Variants in SGCZ observed in about 807,000 individuals in gnomAD.
SGCZ encodes zeta-sarcoglycan.
Under a neutral mutation model 41.3 loss-of-function variants are expected in SGCZ, and 40 were observed. The ratio of observed to expected loss-of-function variants is 0.97; its 90% CI spans 0.75 to 1.26. The LOEUF is 1.26. Ranked by LOEUF, SGCZ falls within the 50% of genes most tolerant of loss-of-function variation. The pLI is 0.00. For missense variants in SGCZ, 552 were observed against 369.8 expected, an observed-to-expected ratio of 1.49 and a Z score of -4.04; for synonymous variants, 206 against 137.5, an observed-to-expected ratio of 1.50 and a Z score of -3.49.
At chr8:14,286,074 G>GTGTTTTTTTTTTTTTTT (rs781017987) in intron 3 of SGCZ, among the ~76,000 whole-genome samples, 1 of 150,552 alleles carries the variant, frequency 6.6e-6, no homozygotes, top group African/African-American at 2.4e-5. Context: ...TGCAGTCAAT[G>GTGTTTTTTTTTTTTTTT]TATTTTGTTT....
intron 2 of SGCZ, among the ~76,000 whole-genome samples, chr8:14,539,578 G>A (rs1316995680): frequency 1.3e-5 from 2 of 151,870 alleles, no homozygotes; most frequent in African/African-American, 4.8e-5. Flanking sequence ...AGGGGTACAA[G>A]TACCGGTTTG....
chr8:14,784,913 A>AAAAAAAAAATATATATAT (rs1408574493), intron 1 of SGCZ, among the ~76,000 whole-genome samples: 2 of 88,036 alleles, frequency 2.3e-5, no homozygotes, highest in African/African-American at 9.4e-5. Flanking sequence ...AAAAAAAAAA[A>AAAAAAAAAATATATATAT]ATATATATAT....
intron 5 of SGCZ, among the ~76,000 whole-genome samples, chr8:14,143,110 C>A (rs905116655): frequency 6.6e-6 from 1 of 151,360 alleles, no homozygotes; most frequent in African/African-American, 2.4e-5. Flanking sequence ...CTTAATATAA[C>A]GCCAATTCAA....
At chr8:14,947,973 T>G (rs1800508522) in intron 1 of SGCZ, among the ~76,000 whole-genome samples, 2 of 152,188 alleles carry the variant, frequency 1.3e-5, no homozygotes, top group African/African-American at 4.8e-5. Context: ...CTAATGATAC[T>G]AACAGCATTT....
At chr8:14,397,273 T>C (rs7834044) in intron 2 of SGCZ, among the ~76,000 whole-genome samples, 25,559 of 152,050 alleles carry the variant, frequency 0.17, 5,067 homozygotes, top group African/African-American at 0.48. Flanking sequence ...AAGTTAAGGA[T>C]GTTCGAATAT....
In SGCZ at chr8:14,866,106, AC is replaced by A. The variant is rs937083493; in HGVS notation, c.40-311181del. Among the ~76,000 whole-genome samples the A allele has an allele frequency of 1.2e-4, 19 of 152,140 alleles. 1 individual carries two copies. Among genetic ancestry groups the A allele is most frequent in the African/African-American group, 4.6e-4 (19 of 41,448 alleles). On this transcript the variant is annotated intron_variant, in intron 1 of 7. Coordinates refer to ENST00000382080, the MANE Select transcript of SGCZ (RefSeq NM_139167.4). ...AATGTAAAGCAGAAAAAGAATCTTCACAGGTAACATATTAATATAAAATTTC... is the reference window on the plus strand; with the variant it reads ...AATGTAAAGCAGAAAAAGAATCTTCAAGGTAACATATTAATATAAAATTTC...
At chr8:14,644,490 GC>G (rs147762514) in intron 1 of SGCZ, among the ~76,000 whole-genome samples, 28,878 of 151,494 alleles carry the variant, frequency 0.19, 3,194 homozygotes, top group East Asian at 0.58. Flanking sequence ...TTACAGTTGT[GC>G]CAGCCAATTT....
intron 1 of SGCZ, among the ~76,000 whole-genome samples, chr8:14,926,610 T>TTTTG (rs1554523007): frequency 1.2e-4 from 18 of 151,940 alleles, no homozygotes; most frequent in African/African-American, 4.3e-4. Flanking sequence ...GTAGACAGTT[T>TTTTG]TTTGTTTGTT....
At chr8:14,488,579 T>C (rs367600390) in intron 2 of SGCZ, among the ~76,000 whole-genome samples, 21 of 152,200 alleles carry the variant, frequency 1.4e-4, no homozygotes, top group African/African-American at 3.4e-4. Flanking sequence ...AGCTAACCCA[T>C]TGAAATGTAA....
At chr8:14,197,604 C>A (rs573206965) in intron 4 of SGCZ, among the ~76,000 whole-genome samples, 19 of 151,946 alleles carry the variant, frequency 1.3e-4, no homozygotes, top group African/African-American at 4.1e-4. Context: ...TGTCAAAATT[C>A]AAATTACATT....
At chr8:14,124,619 T>G (rs1028318267) in intron 5 of SGCZ, among the ~76,000 whole-genome samples, 3 of 152,204 alleles carry the variant, frequency 2.0e-5, no homozygotes, top group African/African-American at 7.2e-5. Flanking sequence ...TGCTCTGACA[T>G]TGTTAGGCAT....
At chr8:14,929,091 A>C (rs7002234) in intron 1 of SGCZ, among the ~76,000 whole-genome samples, 69,497 of 151,796 alleles carry the variant, frequency 0.46, 16,701 homozygotes, top group African/African-American at 0.6. Context: ...TCCCGGGTTC[A>C]AGTGATTCTC....
chr8:14,094,471 C>A (rs1008822089), intron 7 of SGCZ, among the ~76,000 whole-genome samples: 6 of 151,942 alleles, frequency 3.9e-5, no homozygotes, highest in African/African-American at 1.5e-4. Flanking sequence ...TGAACTCATC[C>A]TTTTTATGAC....
rs1375696527 is a variant in SGCZ at position 14,428,183 on chromosome 8, T to C, written c.235-103979A>G. 5.9e-5 allele frequency among the ~76,000 whole-genome samples: 9 copies of C among 151,698 alleles called. No individual in the cohort carries two copies. In the Admixed American group the frequency reaches 5.9e-4, roughly 10 times the overall value. ...ACACACATACACACATGCATATATA[T>C]TTATATGCACATAAGCACATAATTA... On this transcript the variant is annotated intron_variant, in intron 2 of 7. Transcript: ENST00000382080.
intron 1 of SGCZ, among the ~76,000 whole-genome samples, chr8:14,806,590 T>C (rs946755688): frequency 6.6e-6 from 1 of 152,152 alleles, no homozygotes; most frequent in Non-Finnish European, 1.5e-5. Context: ...CAATAATCAA[T>C]AGCTTACCAA....
chr8:15,157,482 G>T (rs1799367562), intron 1 of SGCZ, among the ~76,000 whole-genome samples: 1 of 149,552 alleles, frequency 6.7e-6, no homozygotes, highest in South Asian at 2.1e-4. Flanking sequence ...AAAATAAAAA[G>T]AACAACAACA....
chr8:14,441,565 C>A lies in SGCZ; in HGVS notation c.234+113167G>T, dbSNP rs545873083. On this transcript the variant is annotated intron_variant, in intron 2 of 7. Coordinates refer to ENST00000382080, the MANE Select transcript of SGCZ (RefSeq NM_139167.4). ...ACTCCAGCCTGGTGATAGAGCAAGACCCCATCTCAAAAATAAAACAAAATA... is the reference window on the plus strand; with the variant it reads ...ACTCCAGCCTGGTGATAGAGCAAGAACCCATCTCAAAAATAAAACAAAATA... Among the ~76,000 whole-genome samples the A allele has an allele frequency of 3.3e-5, 5 of 152,220 alleles. No individual in the cohort carries two copies. In the East Asian group the frequency reaches 9.7e-4, roughly 29 times the overall value.
intron 1 of SGCZ, among the ~76,000 whole-genome samples, chr8:14,987,279 A>C (rs1039614699): frequency 1.3e-5 from 2 of 151,988 alleles, no homozygotes; most frequent in Admixed American, 6.6e-5. Flanking sequence ...ACATCAAAAC[A>C]CTAAAAATTT....
At chr8:14,476,330 A>G (rs1220089142) in intron 2 of SGCZ, among the ~76,000 whole-genome samples, 1 of 152,124 alleles carries the variant, frequency 6.6e-6, no homozygotes, top group East Asian at 1.9e-4. Context: ...TTACAGACAG[A>G]ACACTGGACT....
Sources: allele counts gnomAD v4.1 joint callset (sites outside exome capture counted in the v4.1 genomes callset), GRCh38; gene constraint gnomAD v4.1.1; transcripts MANE v1.5; gene names NCBI Gene and HGNC (gene_info 2026-07-23, HGNC 2026-07-21).